Variants in JMJD1C observed in about 807,000 individuals in gnomAD.
The protein encoded by JMJD1C is jumonji domain-containing protein 1C.
Under a neutral mutation model 245.3 loss-of-function variants are expected in JMJD1C, and 31 were observed. That is an observed-to-expected ratio of 0.13 (90% confidence interval 0.09 to 0.17). The LOEUF is 0.17. Ranked by LOEUF, JMJD1C falls within the 10% of genes least tolerant of loss-of-function variation. The probability of loss-of-function intolerance (pLI) is 1.00; values close to 1 mark genes in which losing one functional copy is unlikely to be tolerated. For missense variants in JMJD1C, 2,691 were observed against 3,000.2 expected (o/e 0.90, Z 2.41); for synonymous variants, 1,057 against 1,017.4 (o/e 1.04, Z -0.74).
At chr10:63,247,251 GA>G (rs1308475250) in intron 3 of JMJD1C, among the ~76,000 whole-genome samples, 1 of 151,374 alleles carries the variant, frequency 6.6e-6, no homozygotes, top group Middle Eastern at 3.4e-3. Flanking sequence ...ATTAGAAATG[GA>G]AAAAAAAGAT....
chr10:63,284,796 A>G (rs1857779249), intron 2 of JMJD1C, among the ~76,000 whole-genome samples: 1 of 151,664 alleles, frequency 6.6e-6, no homozygotes, highest in African/African-American at 2.4e-5. Context: ...TTATCCTAGA[A>G]GCTCACCATT....
chr10:63,437,308 ACTTCT>A (rs1329717687), intron 1 of JMJD1C, among the ~76,000 whole-genome samples: 1 of 152,164 alleles, frequency 6.6e-6, no homozygotes, highest in Non-Finnish European at 1.5e-5. Context: ...CTATTTCATA[ACTTCT>A]CTTCTCAAAT....
Position 63,214,508 on chromosome 10 carries a change from G to C in JMJD1C, c.1659C>G (p.Phe553Leu). ...CAGAATCTTTTTTTGCTGTTTCCAA[G>C]AATTTTGCATTTGCAATAGAGTGTT... ...DSKHSIANAK[F>L]LETAKKDSDQ... The change falls in exon 8 of 26, where the codon TTC becomes TTG. Residue 553 changes from phenylalanine (F) to leucine (L), a missense_variant. By Grantham distance (22) the Phe-to-Leu change is conservative (BLOSUM62 0). Coordinates refer to ENST00000399262, the MANE Select transcript of JMJD1C (RefSeq NM_032776.3). 6.2e-7 allele frequency: 1 copy of C among 1,613,912 alleles called. No homozygotes were observed. The highest frequency in any genetic ancestry group is 8.5e-7 in the Non-Finnish European group (1 of 1,179,968).
intron 1 of JMJD1C, among the ~76,000 whole-genome samples, chr10:63,400,254 A>G (rs976923908): frequency 1.3e-5 from 2 of 152,100 alleles, no homozygotes; most frequent in African/African-American, 4.8e-5. Flanking sequence ...TTGCCATTCT[A>G]TCTTTAAGGC....
chr10:63,179,111 C>T (rs1843168568), intron 22 of JMJD1C, among the ~76,000 whole-genome samples: 2 of 152,056 alleles, frequency 1.3e-5, no homozygotes. Context: ...CCACGGATGA[C>T]TGGATAAAGA....
At chr10:63,374,799 C>CA (rs1235220791) in intron 2 of JMJD1C, among the ~76,000 whole-genome samples, 2 of 151,836 alleles carry the variant, frequency 1.3e-5, no homozygotes, top group Non-Finnish European at 2.9e-5. Flanking sequence ...AGATGTTAGG[C>CA]AAAAAAGCAG....
At chr10:63,177,475 A>C (rs1472450872) in intron 23 of JMJD1C, 1 of 479,516 alleles carries the variant, frequency 2.1e-6, no homozygotes, top group Admixed American at 4.0e-5. Flanking sequence ...TCTTTTATTA[A>C]CAGGGAATGG....
chr10:63,239,872 CAGA>C (rs2133486050), intron 3 of JMJD1C, among the ~76,000 whole-genome samples: 1 of 152,292 alleles, frequency 6.6e-6, no homozygotes, highest in South Asian at 2.1e-4. Context: ...AAATAGACAG[CAGA>C]AGACATGGGT....
intron 2 of JMJD1C, among the ~76,000 whole-genome samples, chr10:63,339,738 C>A (rs990951333): frequency 9.2e-5 from 14 of 152,184 alleles, no homozygotes; most frequent in Admixed American, 1.3e-4. Context: ...CCAGCCTGGA[C>A]AACATAGTGA....
At chr10:63,202,169 G>T in intron 10 of JMJD1C, 1 of 342,794 alleles carries the variant, frequency 2.9e-6, no homozygotes, top group Non-Finnish European at 4.1e-6. Flanking sequence ...CACAAGAACT[G>T]CTTGATCCCA....
intron 1 of JMJD1C, chr10:63,489,669 C>T (rs558361923): frequency 6.6e-6 from 1 of 152,472 alleles, no homozygotes; most frequent in African/African-American, 2.4e-5. Flanking sequence ...TGCACTACCA[C>T]ACCTGGCTAA....
At chr10:63,272,072 C>CAAA (rs1234840271) in intron 2 of JMJD1C, among the ~76,000 whole-genome samples, 1 of 89,992 alleles carries the variant, frequency 1.1e-5, no homozygotes. Flanking sequence ...GACTCTGTCT[C>CAAA]AAAAAAAAAA....
chr10:63,312,209 G>C (rs1026983191), intron 2 of JMJD1C, among the ~76,000 whole-genome samples: 1 of 150,590 alleles, frequency 6.6e-6, no homozygotes, highest in Non-Finnish European at 1.5e-5. Flanking sequence ...CCAGGTTGAA[G>C]CGATTCTCCT....
At chr10:63,297,370 A>G (rs1859574914) in intron 2 of JMJD1C, among the ~76,000 whole-genome samples, 1 of 152,172 alleles carries the variant, frequency 6.6e-6, no homozygotes, top group Non-Finnish European at 1.5e-5. Context: ...TTGGACACTC[A>G]TCAGGACTAC....
chr10:63,172,750 A>G (rs1025448596), intron 24 of JMJD1C, among the ~76,000 whole-genome samples: 5 of 151,706 alleles, frequency 3.3e-5, no homozygotes, highest in African/African-American at 1.2e-4. Flanking sequence ...AGTGTAAAGA[A>G]GCAAGTCTTA....
chr10:63,270,151 T>C (rs1186059469), intron 2 of JMJD1C, among the ~76,000 whole-genome samples: 1 of 152,164 alleles, frequency 6.6e-6, no homozygotes, highest in Non-Finnish European at 1.5e-5. Context: ...TGGACAAGAA[T>C]GCTCTAATAG....
intron 1 of JMJD1C, among the ~76,000 whole-genome samples, chr10:63,390,761 T>C (rs1443741566): frequency 6.6e-6 from 1 of 152,138 alleles, no homozygotes; most frequent in East Asian, 1.9e-4. Flanking sequence ...ATCATCTTAA[T>C]AGGCACAGAA....
At position 63,215,252 on chromosome 10, in the gene JMJD1C, G is replaced by A; in HGVS notation, c.1015+11C>T. 1 of 1,564,702 alleles carries A rather than the reference G, an allele frequency of 6.4e-7. No homozygotes were observed. ...TGTTTTCATTCCCTTAAAAAAAAAA[G>A]TGGGTCCTACCTCCTCGTGATATAT... On this transcript the variant is annotated intron_variant, in intron 7 of 25. Coordinates refer to ENST00000399262, the MANE Select transcript of JMJD1C (RefSeq NM_032776.3).
intron 3 of JMJD1C, chr10:63,222,349 A>G: frequency 7.6e-7 from 1 of 1,309,630 alleles, no homozygotes; most frequent in Non-Finnish European, 1.1e-6. Flanking sequence ...ATTTGGCACA[A>G]ACAAATCATA....
Sources: allele counts gnomAD v4.1 joint callset (sites outside exome capture counted in the v4.1 genomes callset), GRCh38; gene constraint gnomAD v4.1.1; transcripts MANE v1.5; gene names NCBI Gene and HGNC (gene_info 2026-07-23, HGNC 2026-07-21).